The following DDX1 variants were observed in gnomAD, a reference collection of about 807,000 sequenced individuals.
The protein encoded by DDX1 is DEAD-box helicase 1.
Under a neutral mutation model 108.7 loss-of-function variants are expected in DDX1, and 28 were observed. That is an observed-to-expected ratio of 0.26 (90% CI 0.19 to 0.35). The LOEUF (loss-of-function observed/expected upper bound fraction) is 0.35, where lower values mean the gene tolerates loss of function less well. Ranked by LOEUF, DDX1 falls within the 10% of genes least tolerant of loss-of-function variation. DDX1 has a pLI of 1.00. For missense variants in DDX1, 710 were observed against 884.5 expected (o/e 0.80, Z 2.50); for synonymous variants, 295 against 288.9 (o/e 1.02, Z -0.21).
At chr2:15,614,114 C>A (rs1225475978) in intron 14 of DDX1, among the ~76,000 whole-genome samples, 1 of 152,158 alleles carries the variant, frequency 6.6e-6, no homozygotes, top group Non-Finnish European at 1.5e-5. Flanking sequence ...AACTACTGCG[C>A]CTGGCCGAAG....
chr2:15,631,027 T>C lies in DDX1; in HGVS notation c.*121T>C. The C allele has an allele frequency of 1.2e-6, 1 of 855,612 alleles. No homozygotes were observed. The highest frequency in any genetic ancestry group is 3.1e-5 in the Admixed American group (1 of 31,864). 53.0% of individuals were successfully genotyped at this position (855,612 alleles called of 1,614,324 possible). Reference sequence around the variant, plus strand: ...AACGTAAGCTATTAATGCTAACTCTTGCATGTCAAGAAACATTAGTCTTAG... The same window carrying C: ...AACGTAAGCTATTAATGCTAACTCTCGCATGTCAAGAAACATTAGTCTTAG... On this transcript the variant is annotated 3_prime_UTR_variant, in exon 26 of 26. Coordinates refer to ENST00000233084, the MANE Select transcript of DDX1 (RefSeq NM_004939.3).
At chr2:15,597,231 G>A in intron 4 of DDX1, 144 bp from the exon 5 acceptor site, 1 of 603,214 alleles carries the variant, frequency 1.7e-6, no homozygotes, top group Non-Finnish European at 2.9e-6. Flanking sequence ...GGGTATTTTT[G>A]GTTTGGGTAA....
intron 25 of DDX1, 60 bp downstream of exon 25, chr2:15,630,170 G>C (rs758553285): frequency 5.2e-6 from 8 of 1,537,236 alleles, no homozygotes; most frequent in Non-Finnish European, 7.2e-6. Context: ...TTTGAACTTC[G>C]GTTTGGGAAG....
chr2:15,606,935 AC>A lies in DDX1; in HGVS notation c.818-238del, dbSNP rs1231438721. Among the ~76,000 whole-genome samples, 3 of 152,150 alleles carry A rather than the reference AC, an allele frequency of 2.0e-5. No individual in the cohort carries two copies. In the East Asian group the frequency reaches 5.8e-4, roughly 29 times the overall value. Reference sequence around the variant, plus strand: ...ATACCTGGACTCAAGTGATCGTCCCACCTTGGGCCGCCCAAAGTGCTAGGAT... The same window carrying A: ...ATACCTGGACTCAAGTGATCGTCCCACTTGGGCCGCCCAAAGTGCTAGGAT... On this transcript the variant is annotated intron_variant, in intron 12 of 25. Transcript: ENST00000233084.
chr2:15,600,897 A>T (rs1389851495), intron 6 of DDX1, among the ~76,000 whole-genome samples: 1 of 151,628 alleles, frequency 6.6e-6, no homozygotes, highest in African/African-American at 2.4e-5. Flanking sequence ...CAGGAGTTGG[A>T]TCCAACTCTA....
chr2:15,597,831 G>GT (rs1665525900), intron 5 of DDX1, among the ~76,000 whole-genome samples: 1 of 152,110 alleles, frequency 6.6e-6, no homozygotes, highest in South Asian at 2.1e-4. Context: ...AATTTATGGA[G>GT]TAAAAACCCA....
At chr2:15,596,309 G>A (rs753737055) in intron 3 of DDX1, among the ~76,000 whole-genome samples, 1 of 152,134 alleles carries the variant, frequency 6.6e-6, no homozygotes, top group Non-Finnish European at 1.5e-5. Context: ...TGTGTCTGAG[G>A]GGGGATAAAC....
intron 18 of DDX1, among the ~76,000 whole-genome samples, chr2:15,623,219 A>C (rs550952473): frequency 1.5e-4 from 23 of 152,284 alleles, no homozygotes; most frequent in Admixed American, 8.5e-4. Context: ...AGTAGCATAA[A>C]AAATATTAAC....
chr2:15,608,647 CTGTG>C (rs1213189946), intron 13 of DDX1, among the ~76,000 whole-genome samples: 1 of 141,524 alleles, frequency 7.1e-6, no homozygotes, highest in Non-Finnish European at 1.5e-5. Context: ...TCACAAAAGC[CTGTG>C]TTTTTTTTTA....
chr2:15,601,883 A>G (rs932372007), intron 6 of DDX1, among the ~76,000 whole-genome samples: 1 of 152,210 alleles, frequency 6.6e-6, no homozygotes, highest in Admixed American at 6.5e-5. Flanking sequence ...CTGAATCTTT[A>G]CTTAAAACCA....
chr2:15,630,028 T>C lies in DDX1; in HGVS notation c.2010T>C (p.Ile670=). 6.2e-7 allele frequency: 1 copy of C among 1,613,094 alleles called. No individual in the cohort carries two copies. The highest frequency in any genetic ancestry group is 8.5e-7 in the Non-Finnish European group (1 of 1,179,266). The change falls in exon 25 of 26, where the codon ATT becomes ATC. Residue 670 remains isoleucine, a synonymous_variant. Coordinates refer to ENST00000233084, the MANE Select transcript of DDX1 (RefSeq NM_004939.3). The part of the protein sequence containing the change: ...SEIEEHLNCT[I]SQVEPDIKVP... ...TAGAAGAACACCTGAACTGTACCAT[T>C]TCTCAGGTTGAGCCGGATATAAAGG... is the stretch of plus-strand genomic sequence containing the variant.
chr2:15,609,883 T>C lies in DDX1; in HGVS notation c.956+2570T>C, dbSNP rs139976121. ...TTCCAGAGAATAGGAATTAGAATCT[T>C]TTTTTATTTGTTTGTTTTTTAAGAA... On this transcript the variant is annotated intron_variant, in intron 13 of 25. Coordinates refer to ENST00000233084, the MANE Select transcript of DDX1 (RefSeq NM_004939.3). 2.5e-3 allele frequency among the ~76,000 whole-genome samples: 380 copies of C among 152,268 alleles called. 1 individual carries two copies. The highest frequency in any genetic ancestry group is 8.7e-3 in the African/African-American group (363 of 41,558).
At chr2:15,616,062 TTGTG>T (rs58811920) in intron 14 of DDX1, among the ~76,000 whole-genome samples, 61,193 of 148,826 alleles carry the variant, frequency 0.41, 12,704 homozygotes, top group East Asian at 0.67. Flanking sequence ...CCGGCTAATT[TTGTG>T]TGTGTGTGTG....
At chr2:15,602,127 T>C (rs1368111023) in intron 6 of DDX1, among the ~76,000 whole-genome samples, 4 of 152,208 alleles carry the variant, frequency 2.6e-5, no homozygotes, top group Admixed American at 6.5e-5. Flanking sequence ...TCAGGACGAA[T>C]ATTGATGAGC....
chr2:15,596,630 A>G, intron 3 of DDX1, 104 bp from the exon 4 acceptor site: 3 of 972,962 alleles, frequency 3.1e-6, no homozygotes, highest in Non-Finnish European at 4.8e-6. Context: ...GTGAAAATAA[A>G]GGTAGCCAGT....
chr2:15,596,715 CTTTT>C lies in DDX1; in HGVS notation c.133-16_133-13del. 1 of 1,609,428 alleles carries C rather than the reference CTTTT, an allele frequency of 6.2e-7. No individual in the cohort carries two copies. The highest frequency in any genetic ancestry group is 8.5e-7 in the Non-Finnish European group (1 of 1,176,652). ...TAGACAACTTAATCTGTAAAATCAACTTTTTTCCCCTCATTCAGGCTGCAGAAAC... is the reference window on the plus strand; with the variant it reads ...TAGACAACTTAATCTGTAAAATCAACTTCCCCTCATTCAGGCTGCAGAAAC... On this transcript the variant is annotated splice_polypyrimidine_tract_variant and intron_variant, in intron 3 of 25. Coordinates refer to ENST00000233084, the MANE Select transcript of DDX1 (RefSeq NM_004939.3).
intron 6 of DDX1, among the ~76,000 whole-genome samples, chr2:15,600,683 G>C (rs180779341): frequency 6.7e-6 from 1 of 149,172 alleles, no homozygotes; most frequent in East Asian, 2.0e-4. Context: ...CTTCATTTTA[G>C]CTATTACAGA....
intron 13 of DDX1, among the ~76,000 whole-genome samples, chr2:15,608,527 C>CAA (rs201822266): frequency 1.1e-5 from 1 of 93,944 alleles, no homozygotes; most frequent in East Asian, 2.4e-4. Context: ...GACTCCGTCT[C>CAA]AAAAAAAAAA....
At chr2:15,628,734 C>T in intron 22 of DDX1, 24 bp downstream of exon 22, 1 of 1,613,082 alleles carries the variant, frequency 6.2e-7, no homozygotes. Context: ...TTTTTTTCCC[C>T]CATTTTTAAG....
Sources: allele counts gnomAD v4.1 joint callset (sites outside exome capture counted in the v4.1 genomes callset), GRCh38; gene constraint gnomAD v4.1.1; transcripts MANE v1.5; gene names NCBI Gene and HGNC (gene_info 2026-07-23, HGNC 2026-07-21).